Variants in PTPRN2 observed in about 807,000 individuals in gnomAD.
The protein encoded by PTPRN2 is protein tyrosine phosphatase receptor type N2.
Under a neutral mutation model 118.8 loss-of-function variants are expected in PTPRN2, and 74 were observed. That is an observed-to-expected ratio of 0.62 (90% CI 0.52 to 0.76). The LOEUF is 0.76. Among genes scored for constraint, PTPRN2 ranks in the 30% least tolerant of loss-of-function variants. PTPRN2 has a pLI of 0.00. For missense variants in PTPRN2, 1,481 were observed against 1,394.4 expected, an observed-to-expected ratio of 1.06 and a Z score of -0.99; for synonymous variants, 641 against 608.0, an observed-to-expected ratio of 1.05 and a Z score of -0.80.
chr7:157,925,770 C>T (rs1434485169), intron 11 of PTPRN2, among the ~76,000 whole-genome samples: 2 of 147,728 alleles, frequency 1.4e-5, no homozygotes, highest in African/African-American at 2.7e-5. Context: ...CCTAGAGACG[C>T]GTCACAGAGA....
At chr7:157,806,717 G>A (rs1805657868) in intron 12 of PTPRN2, among the ~76,000 whole-genome samples, 1 of 152,214 alleles carries the variant, frequency 6.6e-6, no homozygotes, top group South Asian at 2.1e-4. Flanking sequence ...TTTCTGAGGA[G>A]GCCAGGATGA....
intron 2 of PTPRN2, among the ~76,000 whole-genome samples, chr7:158,479,227 G>A (rs771730204): frequency 3.5e-4 from 54 of 152,138 alleles, no homozygotes; most frequent in Non-Finnish European, 6.3e-4. Flanking sequence ...CAATGTGAGT[G>A]GGGCGGCGTG....
intron 9 of PTPRN2, among the ~76,000 whole-genome samples, chr7:158,117,002 A>C (rs1013598619): frequency 1.3e-5 from 2 of 152,178 alleles, no homozygotes; most frequent in African/African-American, 4.8e-5. Flanking sequence ...TCTAGTTTTC[A>C]ACAAAAAATT....
intron 11 of PTPRN2, among the ~76,000 whole-genome samples, chr7:157,916,225 A>G (rs1364211331): frequency 6.6e-6 from 1 of 152,172 alleles, no homozygotes; most frequent in African/African-American, 2.4e-5. Context: ...CGCTTTCCCC[A>G]GGTTCTTCAT....
In PTPRN2 at chr7:157,881,114, C is replaced by A. The variant is rs1468417059; in HGVS notation, c.1788+17559G>T. ...TGGAGATGGGGGTGTTTACAGTAGT[C>A]ATTATGATAAAATGAAGTCATGAGG... On this transcript the variant is annotated intron_variant, in intron 12 of 22. Coordinates refer to ENST00000389418, the MANE Select transcript of PTPRN2 (RefSeq NM_002847.5). This position sits in a 1 kb window ranked among gnomAD's most constrained non-coding sequence, Gnocchi z 4.7. 2.0e-5 allele frequency among the ~76,000 whole-genome samples: 3 copies of A among 151,612 alleles called. No individual in the cohort carries two copies. Among genetic ancestry groups the A allele is most frequent in the Admixed American group, 6.6e-5 (1 of 15,210 alleles).
intron 12 of PTPRN2, chr7:157,862,995 T>G (rs1314517261): frequency 6.6e-6 from 1 of 152,204 alleles, no homozygotes; most frequent in Non-Finnish European, 1.5e-5. Flanking sequence ...GCGAGGAGGC[T>G]GGGATTCACG....
At position 158,070,905 on chromosome 7, in the gene PTPRN2, GAGGTGCCCATGGTGC is replaced by G. The variant is rs1394525419; in HGVS notation, c.1723+10378_1723+10392del. ...GGTGGTGGAGGTGCCCATGGTAGTGGAGGTGCCCATGGTGCTGGAGGTGCTCCTGGTGGTGGAGGT... is the reference window on the plus strand; with the variant it reads ...GGTGGTGGAGGTGCCCATGGTAGTGGTGGAGGTGCTCCTGGTGGTGGAGGT... On this transcript the variant is annotated intron_variant, in intron 11 of 22. Transcript: ENST00000389418. Among the ~76,000 whole-genome samples, 35 of 136,680 alleles carry G rather than the reference GAGGTGCCCATGGTGC, an allele frequency of 2.6e-4. 4 individuals carry two copies. Among genetic ancestry groups the G allele is most frequent in the African/African-American group, 9.9e-4 (33 of 33,174 alleles). The allele number at this position is 136,680 out of a possible 152,430, so 89.7% of individuals were successfully genotyped here.
intron 12 of PTPRN2, among the ~76,000 whole-genome samples, chr7:157,840,983 T>C (rs1475154635): frequency 6.6e-6 from 1 of 152,206 alleles, no homozygotes; most frequent in East Asian, 1.9e-4. Flanking sequence ...CAACGTCCAG[T>C]CTGCAGGGCA....
chr7:157,676,242 C>G lies in PTPRN2; in HGVS notation c.2001+6483G>C, dbSNP rs1796662260. The stretch of plus-strand genomic sequence containing the variant: ...TCCTGGCAGCCCTGCAAATGCCCAC[C>G]CTCTTGGGTCTGTCCCTACCCTGCA... On this transcript the variant is annotated intron_variant, in intron 13 of 22. Transcript: ENST00000389418. This position sits in a 1 kb window ranked among gnomAD's most constrained non-coding sequence, Gnocchi z 5.6. 2.0e-5 allele frequency among the ~76,000 whole-genome samples: 3 copies of G among 152,130 alleles called. No individual in the cohort carries two copies. Among genetic ancestry groups the G allele is most frequent in the African/African-American group, 7.2e-5 (3 of 41,422 alleles).
At chr7:158,331,549 G>A (rs1194574068) in intron 2 of PTPRN2, among the ~76,000 whole-genome samples, 1 of 142,990 alleles carries the variant, frequency 7.0e-6, no homozygotes, top group African/African-American at 2.8e-5. Context: ...CATAAGAGCT[G>A]ACACCCGCAG....
chr7:157,702,312 G>A (rs1035469243), intron 12 of PTPRN2, among the ~76,000 whole-genome samples: 2 of 151,500 alleles, frequency 1.3e-5, no homozygotes, highest in East Asian at 2.0e-4. Flanking sequence ...TAACTGTTGC[G>A]GGCTCTGCCT....
At chr7:158,111,636 C>G (rs755942125) in intron 9 of PTPRN2, among the ~76,000 whole-genome samples, 3 of 152,214 alleles carry the variant, frequency 2.0e-5, no homozygotes. Context: ...TTCACCCCAG[C>G]AGACCAAAAC....
At chr7:157,904,410 G>GCC (rs1797644411) in intron 11 of PTPRN2, among the ~76,000 whole-genome samples, 1 of 152,188 alleles carries the variant, frequency 6.6e-6, no homozygotes, top group Admixed American at 6.5e-5. Context: ...GGTCTGCTGA[G>GCC]TGATGCCCTC....
chr7:158,202,903 T>A (rs1256088374), intron 4 of PTPRN2, among the ~76,000 whole-genome samples: 2 of 152,208 alleles, frequency 1.3e-5, no homozygotes, highest in Non-Finnish European at 2.9e-5. Flanking sequence ...GTCCTTTTTA[T>A]ACAGACAAAG....
chr7:157,656,852 A>C (rs1806144761), intron 13 of PTPRN2, among the ~76,000 whole-genome samples: 1 of 122,516 alleles, frequency 8.2e-6, no homozygotes, highest in African/African-American at 2.8e-5. Flanking sequence ...CACCACACAC[A>C]CACACACATC....
intron 2 of PTPRN2, among the ~76,000 whole-genome samples, chr7:158,420,012 C>G (rs924002142): frequency 7.9e-5 from 12 of 152,188 alleles, no homozygotes; most frequent in African/African-American, 2.9e-4. Flanking sequence ...ATGTTGGCCA[C>G]TGTTACAATC....
intron 11 of PTPRN2, among the ~76,000 whole-genome samples, chr7:158,009,144 C>G (rs1354411603): frequency 6.6e-6 from 1 of 152,134 alleles, no homozygotes; most frequent in Non-Finnish European, 1.5e-5. Flanking sequence ...GACCGACCCC[C>G]TCAGTGAACC....
chr7:158,458,876 CCT>C (rs1818737772), intron 2 of PTPRN2, among the ~76,000 whole-genome samples: 1 of 152,176 alleles, frequency 6.6e-6, no homozygotes, highest in Admixed American at 6.5e-5. Flanking sequence ...CCCAGGGCCC[CCT>C]GAGGACTGCG....
chr7:158,330,447 C>T (rs867698125), intron 2 of PTPRN2, among the ~76,000 whole-genome samples: 20 of 101,894 alleles, frequency 2.0e-4, no homozygotes, highest in African/African-American at 5.0e-4. Flanking sequence ...TAAGAGCTGA[C>T]ACCCGCAGAC....
Sources: gnomAD v4.1 joint callset for allele counts (sites outside exome capture counted in the v4.1 genomes callset) on GRCh38, gnomAD v4.1.1 for gene constraint, Gnocchi (gnomAD v3.1) non-coding constraint, MANE v1.5 for transcripts, NCBI Gene and HGNC (gene_info 2026-07-23, HGNC 2026-07-21) for gene names.